The following TPRG1 variants were observed in gnomAD, a reference collection of about 807,000 sequenced individuals.
The protein encoded by TPRG1 is tumor protein p63 regulated 1, also known as tumor protein p63-regulated gene 1 protein.
TPRG1 carries 29 observed loss-of-function variants against 29.3 expected under a neutral mutation model. That is an observed-to-expected ratio of 0.99 (90% CI 0.74 to 1.35). The LOEUF is 1.35. Ranked by LOEUF, TPRG1 falls within the 40% of genes most tolerant of loss-of-function variation. The pLI is 0.00. For missense variants in TPRG1, 327 were observed against 335.0 expected (o/e 0.98, Z 0.19); for synonymous variants, 130 against 116.8 (o/e 1.11, Z -0.73).
intron 4 of TPRG1, among the ~76,000 whole-genome samples, chr3:189,072,509 C>A (rs1716870815): frequency 6.6e-6 from 1 of 151,936 alleles, no homozygotes; most frequent in South Asian, 2.1e-4. Flanking sequence ...CTAGTGTACT[C>A]CACAGGTGAT....
intron 4 of TPRG1, among the ~76,000 whole-genome samples, chr3:189,305,576 T>G (rs1471571232): frequency 1.3e-5 from 2 of 152,232 alleles, no homozygotes; most frequent in African/African-American, 4.8e-5. Context: ...TCTGCTATGA[T>G]GATTTAAAGT....
chr3:189,162,912 T>G (rs951804454), intron 5 of TPRG1, among the ~76,000 whole-genome samples: 1 of 152,234 alleles, frequency 6.6e-6, no homozygotes, highest in African/African-American at 2.4e-5. Context: ...TTCTGGCACA[T>G]GATAAGCACT....
chr3:189,207,127 T>G, intron 1 of TPRG1: 1 of 976,918 alleles, frequency 1.0e-6, no homozygotes, highest in Non-Finnish European at 1.2e-6. Context: ...TCTCCTGGGA[T>G]TAAACTCCTT....
intron 1 of TPRG1, among the ~76,000 whole-genome samples, chr3:189,202,649 A>G (rs913180299): frequency 2.0e-5 from 3 of 152,164 alleles, no homozygotes; most frequent in African/African-American, 7.2e-5. Context: ...GTTTTAAAAG[A>G]AAGTAAAATA....
chr3:189,227,192 G>A (rs1404534055), intron 3 of TPRG1, among the ~76,000 whole-genome samples: 1 of 152,000 alleles, frequency 6.6e-6, no homozygotes, highest in Admixed American at 6.6e-5. Context: ...CAAGCAGACA[G>A]TGGTTCATGC....
At chr3:189,207,257 T>C in intron 1 of TPRG1, 119 bp from the exon 2 acceptor site, 1 of 1,440,874 alleles carries the variant, frequency 6.9e-7, no homozygotes, top group South Asian at 1.4e-5. Flanking sequence ...TTAGTTAACA[T>C]GAAGGATGTT....
intron 1 of TPRG1, among the ~76,000 whole-genome samples, chr3:189,119,899 G>A (rs1303119148): frequency 4.6e-5 from 7 of 152,180 alleles, no homozygotes; most frequent in Non-Finnish European, 7.3e-5. Context: ...TCTGTCCACC[G>A]GAGCGCCTCT....
intron 4 of TPRG1, among the ~76,000 whole-genome samples, chr3:189,037,299 C>T (rs952305498): frequency 6.6e-6 from 1 of 151,650 alleles, no homozygotes; most frequent in African/African-American, 2.4e-5. Context: ...ACATGATGAA[C>T]ATGTATGATT....
chr3:189,226,344 A>C (rs1410655099), intron 3 of TPRG1, among the ~76,000 whole-genome samples: 1 of 152,236 alleles, frequency 6.6e-6, no homozygotes, highest in Non-Finnish European at 1.5e-5. Context: ...GACTACAATG[A>C]GTCAAACTAG....
At chr3:189,048,317 A>G (rs1487296216) in intron 4 of TPRG1, among the ~76,000 whole-genome samples, 3 of 152,232 alleles carry the variant, frequency 2.0e-5, no homozygotes, top group Non-Finnish European at 4.4e-5. Flanking sequence ...TCTTAAGAGT[A>G]GGTTTAAAAT....
chr3:189,221,838 T>A (rs57710841), intron 3 of TPRG1, among the ~76,000 whole-genome samples: 8,976 of 152,244 alleles, frequency 0.059, 692 homozygotes, highest in African/African-American at 0.18. Context: ...ATTTTACGGA[T>A]GAAGAAACCT....
At chr3:189,159,240 T>C (rs190715950) in intron 5 of TPRG1, among the ~76,000 whole-genome samples, 1 of 152,266 alleles carries the variant, frequency 6.6e-6, no homozygotes, top group Non-Finnish European at 1.5e-5. Context: ...GACAGTTATT[T>C]TTTTCAGGTT....
At chr3:189,158,297 G>A (rs2108621212) in intron 5 of TPRG1, among the ~76,000 whole-genome samples, 1 of 152,208 alleles carries the variant, frequency 6.6e-6, no homozygotes, top group South Asian at 2.1e-4. Context: ...GCGGTTGAGG[G>A]ATCTAAAGCA....
chr3:189,282,419 C>G (rs945096733), intron 4 of TPRG1, among the ~76,000 whole-genome samples: 2 of 152,062 alleles, frequency 1.3e-5, no homozygotes, highest in Non-Finnish European at 2.9e-5. Context: ...ACATGCAGTT[C>G]AAAAGACAGA....
At chr3:189,222,922 C>T (rs745721127) in intron 3 of TPRG1, among the ~76,000 whole-genome samples, 2 of 152,160 alleles carry the variant, frequency 1.3e-5, no homozygotes, top group African/African-American at 4.8e-5. Context: ...TCTGCTAACC[C>T]GGCCTTCTCC....
At chr3:189,108,290 G>C (rs935962047) in intron 1 of TPRG1, among the ~76,000 whole-genome samples, 1 of 152,102 alleles carries the variant, frequency 6.6e-6, no homozygotes, top group Non-Finnish European at 1.5e-5. Flanking sequence ...TTTGGAGCTG[G>C]AAGCAGGGGC....
At chr3:189,314,134 A>C (rs2109336179) in intron 5 of TPRG1, among the ~76,000 whole-genome samples, 1 of 152,318 alleles carries the variant, frequency 6.6e-6, no homozygotes, top group Middle Eastern at 3.4e-3. Context: ...TGATTCCATT[A>C]ATTTGATTGA....
intron 4 of TPRG1, among the ~76,000 whole-genome samples, chr3:189,298,904 C>A (rs1720375797): frequency 6.6e-6 from 1 of 152,176 alleles, no homozygotes; most frequent in East Asian, 1.9e-4. Flanking sequence ...GTACCCACCA[C>A]CCTCTCGGGC....
At chr3:189,005,149 G>T (rs888086840) in intron 3 of TPRG1, among the ~76,000 whole-genome samples, 6 of 152,050 alleles carry the variant, frequency 3.9e-5, no homozygotes, top group African/African-American at 1.4e-4. Flanking sequence ...TGGGACTGTT[G>T]CTCACTTTTA....
Sources: allele counts gnomAD v4.1 joint callset (sites outside exome capture counted in the v4.1 genomes callset), GRCh38; gene constraint gnomAD v4.1.1; transcripts MANE v1.5; gene names NCBI Gene and HGNC (gene_info 2026-07-23, HGNC 2026-07-21).